The following GNPTG variants were observed in gnomAD, a reference collection of about 807,000 sequenced individuals.
GNPTG encodes N-acetylglucosamine-1-phosphotransferase subunit gamma.
GNPTG carries 46 observed loss-of-function variants against 43.8 expected under a neutral mutation model. The observed-to-expected ratio is 1.05, with a 90% CI of 0.83 to 1.34. GNPTG has a LOEUF of 1.34. GNPTG is among the 40% of genes most tolerant of loss of function. GNPTG has a pLI of 0.00. For synonymous variants in GNPTG, 250 were observed against 172.8 expected, an observed-to-expected ratio of 1.45 and a Z score of -3.50; for missense variants, 549 against 411.3, an observed-to-expected ratio of 1.33 and a Z score of -2.90.
In GNPTG at chr16:1,362,830, TAAAG is replaced by T. The variant is rs766055577; in HGVS notation, c.750_753del (p.Lys250AsnfsTer9). 3.1e-6 allele frequency: 5 copies of T among 1,613,914 alleles called. No homozygotes were observed. Among genetic ancestry groups the T allele is most frequent in the Non-Finnish European group, 2.5e-6 (3 of 1,179,992 alleles). On this transcript the variant is annotated frameshift_variant, in exon 10 of 11. Coordinates refer to ENST00000204679, the MANE Select transcript of GNPTG (RefSeq NM_032520.5). LOFTEE classifies it high-confidence loss of function. ...ACTCTTTTTGTGGTTGGTAGGCTCA[TAAAG>T]AACTCTCAAAGGAGATCAAAAGGCT...
intron 3 of GNPTG, among the ~76,000 whole-genome samples, chr16:1,353,178 T>C (rs1218763496): frequency 6.6e-6 from 1 of 152,176 alleles, no homozygotes; most frequent in East Asian, 1.9e-4. Flanking sequence ...TATTTCACCG[T>C]ATTGACCAGG....
chr16:1,361,887 C>G lies in GNPTG; in HGVS notation c.249C>G (p.Phe83Leu). The change falls in exon 5 of 11, where the codon TTC becomes TTG. Residue 83 changes from phenylalanine to leucine, a missense_variant. Transcript: ENST00000204679. Reference protein sequence around the residue: ...SLVESTYKYEFCPFHNVTQHE... With the variant: ...SLVESTYKYELCPFHNVTQHE... ...GTGTCCCCAGGTACAAGTATGAGTT[C>G]TGCCCGTTCCACAACGTGACCCAGC... 2 of 1,613,884 alleles carry G rather than the reference C, an allele frequency of 1.2e-6. No individual in the cohort carries two copies. Among genetic ancestry groups the G allele is most frequent in the South Asian group, 2.2e-5 (2 of 91,086 alleles).
chr16:1,357,346 C>G (rs2034796103), intron 3 of GNPTG, among the ~76,000 whole-genome samples: 1 of 152,188 alleles, frequency 6.6e-6, no homozygotes, highest in African/African-American at 2.4e-5. Flanking sequence ...GGCCAGCACC[C>G]CAGAGGTCTC....
intron 3 of GNPTG, among the ~76,000 whole-genome samples, chr16:1,354,319 G>A (rs2034734380): frequency 6.6e-6 from 1 of 152,072 alleles, no homozygotes; most frequent in Non-Finnish European, 1.5e-5. Flanking sequence ...TCGTGGTGGT[G>A]CGTGCATGTT....
At chr16:1,360,249 C>T (rs568931853) in intron 3 of GNPTG, among the ~76,000 whole-genome samples, 6 of 152,302 alleles carry the variant, frequency 3.9e-5, no homozygotes, top group Middle Eastern at 3.4e-3. Flanking sequence ...ATAGTTTCAG[C>T]CACTTCAGCT....
intron 3 of GNPTG, among the ~76,000 whole-genome samples, chr16:1,360,265 T>C (rs1182166337): frequency 6.6e-6 from 1 of 152,224 alleles, no homozygotes; most frequent in African/African-American, 2.4e-5. Flanking sequence ...CAGCTCTCTT[T>C]TGCCTGTTTA....
intron 3 of GNPTG, chr16:1,358,474 C>T (rs1053352957): frequency 6.6e-6 from 1 of 152,258 alleles, no homozygotes; most frequent in East Asian, 1.9e-4. Flanking sequence ...AGGACTGTTC[C>T]ACTGCAAGGA....
chr16:1,362,344 G>A (rs1017337619), intron 7 of GNPTG, 24 bp downstream of exon 7: 1 of 1,609,948 alleles, frequency 6.2e-7, no homozygotes, highest in Non-Finnish European at 8.5e-7. Flanking sequence ...ACGCAGTTGA[G>A]CCCAGTGGGG....
Position 1,361,890 on chromosome 16 carries a change from C to T in GNPTG, c.252C>T (p.Cys84=). Residue 84 remains cysteine (C), a synonymous_variant, in exon 5 of 11, where the codon TGC becomes TGT. Coordinates refer to ENST00000204679, the MANE Select transcript of GNPTG (RefSeq NM_032520.5). ...TCCCCAGGTACAAGTATGAGTTCTG[C>T]CCGTTCCACAACGTGACCCAGCACG... is the stretch of plus-strand genomic sequence containing the variant. The part of the protein sequence containing the change: ...LVESTYKYEF[C]PFHNVTQHEQ... The T allele has an allele frequency of 6.2e-7, 1 of 1,613,844 alleles. No homozygotes were observed.
intron 3 of GNPTG, chr16:1,352,638 C>T (rs114892605): frequency 2.7e-6 from 1 of 369,862 alleles, no homozygotes; most frequent in African/African-American, 2.1e-5. Context: ...TTTAAAAAAT[C>T]ATGCTGCGCG....
intron 7 of GNPTG, 57 bp from the exon 8 acceptor site, chr16:1,362,395 G>C (rs1317795353): frequency 6.2e-7 from 1 of 1,609,192 alleles, no homozygotes; most frequent in Non-Finnish European, 8.5e-7. Context: ...CTGTAGTGCT[G>C]GGGGCCAGGG....
At chr16:1,359,298 ACT>A (rs1183134671) in intron 3 of GNPTG, among the ~76,000 whole-genome samples, 9 of 149,664 alleles carry the variant, frequency 6.0e-5, no homozygotes, top group Admixed American at 6.0e-4. Flanking sequence ...ATAGAGTCTA[ACT>A]CTGTAGCCCA....
intron 3 of GNPTG, chr16:1,352,638 C>A: frequency 2.7e-6 from 1 of 369,862 alleles, no homozygotes; most frequent in East Asian, 6.2e-5. Flanking sequence ...TTTAAAAAAT[C>A]ATGCTGCGCG....
intron 3 of GNPTG, among the ~76,000 whole-genome samples, chr16:1,355,272 G>T (rs1205999834): frequency 6.6e-6 from 1 of 152,216 alleles, no homozygotes; most frequent in Non-Finnish European, 1.5e-5. Flanking sequence ...TGTCTTTGAT[G>T]TAGCGCTCCT....
intron 3 of GNPTG, among the ~76,000 whole-genome samples, chr16:1,353,524 C>T (rs183648024): frequency 1.3e-5 from 2 of 152,202 alleles, no homozygotes; most frequent in African/African-American, 2.4e-5. Context: ...TTTGGGGGAT[C>T]GCTTTTTTTA....
intron 3 of GNPTG, 155 bp downstream of exon 3, chr16:1,352,461 A>T (rs1486680231): frequency 1.3e-6 from 1 of 780,032 alleles, no homozygotes. Context: ...AGAATATACC[A>T]GAACGTTCTT....
intron 3 of GNPTG, 106 bp downstream of exon 3, chr16:1,352,412 T>A: frequency 8.8e-7 from 1 of 1,135,330 alleles, no homozygotes; most frequent in Non-Finnish European, 1.3e-6. Context: ...TCTAAAGCAT[T>A]GGTTTGTCAG....
chr16:1,353,990 G>A (rs1207762809), intron 3 of GNPTG, among the ~76,000 whole-genome samples: 1 of 152,172 alleles, frequency 6.6e-6, no homozygotes. Context: ...AGATGGTGCC[G>A]CACCGTGTTG....
chr16:1,357,878 C>T (rs2034806618), intron 3 of GNPTG: 1 of 152,438 alleles, frequency 6.6e-6, no homozygotes, highest in Non-Finnish European at 1.5e-5. Context: ...GCGTCCTCCT[C>T]TAACCAGTGC....
Sources: allele counts gnomAD v4.1 joint callset (sites outside exome capture counted in the v4.1 genomes callset), GRCh38; gene constraint gnomAD v4.1.1; transcripts MANE v1.5; gene names NCBI Gene and HGNC (gene_info 2026-07-23, HGNC 2026-07-21).